Variants in PRKCQ observed in about 807,000 individuals in gnomAD.
The protein encoded by PRKCQ is protein kinase C theta.
A neutral mutation model predicts 91.2 loss-of-function variants in PRKCQ; 41 were observed. The observed-to-expected ratio is 0.45, with a 90% CI of 0.35 to 0.58. The LOEUF (loss-of-function observed/expected upper bound fraction) is 0.58. Ranked by LOEUF, PRKCQ falls within the 20% of genes least tolerant of loss-of-function variation. PRKCQ has a pLI of 0.00. For synonymous variants in PRKCQ, 307 were observed against 316.9 expected (o/e 0.97, Z 0.33); for missense variants, 673 against 896.5 (o/e 0.75, Z 3.18).
chr10:6,572,996 G>A (rs1339607588), intron 1 of PRKCQ, among the ~76,000 whole-genome samples: 1 of 152,130 alleles, frequency 6.6e-6, no homozygotes, highest in Non-Finnish European at 1.5e-5. Flanking sequence ...GTGATATTGA[G>A]GGTTTTTTTT....
chr10:6,538,827 T>C (rs1839676581), intron 1 of PRKCQ, among the ~76,000 whole-genome samples: 1 of 152,156 alleles, frequency 6.6e-6, no homozygotes, highest in Non-Finnish European at 1.5e-5. Context: ...TCTCGCTCTG[T>C]CACCCAGTTC....
chr10:6,463,441 G>A (rs1172442808), intron 13 of PRKCQ, among the ~76,000 whole-genome samples: 2 of 152,172 alleles, frequency 1.3e-5, no homozygotes, highest in South Asian at 4.1e-4. Flanking sequence ...AAAAATGCCC[G>A]ATGATTTCTC....
At chr10:6,491,577 G>T in intron 8 of PRKCQ, 106 bp downstream of exon 8, 1 of 1,443,018 alleles carries the variant, frequency 6.9e-7, no homozygotes, top group Non-Finnish European at 9.4e-7. Flanking sequence ...TCTGGGCTGG[G>T]TGTGGAAGTG....
chr10:6,394,628 A>G, the PRKCQ span, among the ~76,000 whole-genome samples: 4 of 148,890 alleles, frequency 2.7e-5, no homozygotes, highest in African/African-American at 1.0e-4. Flanking sequence ...ACATACGCCA[A>G]ATCGTCAGAC....
intron 4 of PRKCQ, among the ~76,000 whole-genome samples, chr10:6,500,357 T>C (rs1274203174): frequency 6.6e-6 from 1 of 151,906 alleles, no homozygotes; most frequent in Non-Finnish European, 1.5e-5. Flanking sequence ...AGGTTTTTAC[T>C]GTAAAAATCA....
the PRKCQ span, among the ~76,000 whole-genome samples, chr10:6,417,907 C>T: frequency 1.3e-5 from 2 of 152,220 alleles, no homozygotes; most frequent in Non-Finnish European, 2.9e-5. Context: ...CCTTCACTTC[C>T]ACCACCTCCC....
chr10:6,553,497 A>T (rs1182635767), intron 1 of PRKCQ, among the ~76,000 whole-genome samples: 7 of 128,580 alleles, frequency 5.4e-5, no homozygotes, highest in South Asian at 2.4e-4. Context: ...CTCAAAAAAA[A>T]AAAAAAAAAA....
chr10:6,504,970 T>C (rs1251465570), intron 4 of PRKCQ, among the ~76,000 whole-genome samples: 1 of 151,878 alleles, frequency 6.6e-6, no homozygotes, highest in Admixed American at 6.6e-5. Flanking sequence ...CTTGGCTCAC[T>C]GCAAGCTCCG....
At chr10:6,435,159 T>C (rs1307907562) in intron 16 of PRKCQ, among the ~76,000 whole-genome samples, 2 of 152,192 alleles carry the variant, frequency 1.3e-5, no homozygotes. Context: ...GTGTCCCCAC[T>C]GGAATTCTTG....
chr10:6,438,158 T>C (rs1490190349), intron 16 of PRKCQ, among the ~76,000 whole-genome samples: 2 of 152,212 alleles, frequency 1.3e-5, no homozygotes, highest in African/African-American at 2.4e-5. Flanking sequence ...CTTGTTCCTT[T>C]ACCCCTGGGC....
At chr10:6,440,760 G>A (rs866035469) in intron 16 of PRKCQ, among the ~76,000 whole-genome samples, 1 of 152,110 alleles carries the variant, frequency 6.6e-6, no homozygotes, top group African/African-American at 2.4e-5. Context: ...AGGCCGAGGC[G>A]GGCAGATCCC....
chr10:6,398,496 A>C, the PRKCQ span, among the ~76,000 whole-genome samples: 2 of 152,244 alleles, frequency 1.3e-5, no homozygotes, highest in Non-Finnish European at 2.9e-5. Flanking sequence ...ACAACAGGAA[A>C]ATTCTATAAT....
At position 6,528,295 on chromosome 10, in the gene PRKCQ, T is replaced by C. The variant is rs193228118; in HGVS notation, c.-9-13151A>G. On this transcript the variant is annotated intron_variant, in intron 1 of 17. Coordinates refer to ENST00000263125, the MANE Select transcript of PRKCQ (RefSeq NM_006257.5). ...TTTTGGTTAACATGTTCTACATGAA[T>C]AAACCGTTCCCACCCATCTCCACCC... Among the ~76,000 whole-genome samples the C allele has an allele frequency of 2.6e-5, 4 of 152,268 alleles. No homozygotes were observed. In the East Asian group the frequency reaches 7.7e-4, roughly 29 times the overall value.
chr10:6,457,493 A>C (rs1835070190), intron 14 of PRKCQ, among the ~76,000 whole-genome samples: 1 of 152,210 alleles, frequency 6.6e-6, no homozygotes, highest in Admixed American at 6.5e-5. Flanking sequence ...TCTCACCAAG[A>C]TCAGGGACTT....
rs1564402599 is a variant in PRKCQ, at chr10:6,576,043, AAC to A, written c.-10+4166_-10+4167del. Among the ~76,000 whole-genome samples, 2 of 152,204 alleles carry A rather than the reference AAC, an allele frequency of 1.3e-5. No individual in the cohort carries two copies. Among genetic ancestry groups the A allele is most frequent in the Admixed American group, 6.5e-5 (1 of 15,276 alleles). On this transcript the variant is annotated intron_variant, in intron 1 of 17. Transcript: ENST00000263125. The surrounding 1 kb of genome is among the most constrained non-coding windows in gnomAD (Gnocchi z 4.2). The stretch of plus-strand genomic sequence containing the variant: ...GACACAGCGAGACTCCATCTCAAAA[AAC>A]ACAAAACAAAAGACAGCGTTGCTGA...
intron 2 of PRKCQ, among the ~76,000 whole-genome samples, chr10:6,514,064 CT>C (rs995048885): frequency 2.0e-5 from 3 of 152,168 alleles, no homozygotes; most frequent in African/African-American, 7.2e-5. Context: ...ACTTGTTTGA[CT>C]TTTTTTCCCT....
intron 11 of PRKCQ, among the ~76,000 whole-genome samples, chr10:6,480,173 G>A (rs1836517542): frequency 6.6e-6 from 1 of 152,106 alleles, no homozygotes; most frequent in Non-Finnish European, 1.5e-5. Context: ...ACACCAAAAT[G>A]GGAATGAAAC....
intron 3 of PRKCQ, among the ~76,000 whole-genome samples, chr10:6,509,015 A>G (rs183026331): frequency 5.8e-4 from 89 of 152,332 alleles, no homozygotes; most frequent in African/African-American, 2.1e-3. Flanking sequence ...GGAAAATATA[A>G]GTCCCAACAA....
chr10:6,411,574 CT>C, the PRKCQ span, among the ~76,000 whole-genome samples: 2 of 152,152 alleles, frequency 1.3e-5, no homozygotes, highest in Non-Finnish European at 2.9e-5. Context: ...CAAATTTAGC[CT>C]TTAGACCGAA....
Sources: allele counts gnomAD v4.1 joint callset (sites outside exome capture counted in the v4.1 genomes callset), GRCh38; gene constraint gnomAD v4.1.1; non-coding constraint Gnocchi (gnomAD v3.1); transcripts MANE v1.5; gene names NCBI Gene and HGNC (gene_info 2026-07-23, HGNC 2026-07-21).